Variants in HIVEP1 observed in about 807,000 individuals in gnomAD.
HIVEP1 encodes the protein HIVEP zinc finger 1, also known as zinc finger protein 40.
In HIVEP1, 36 loss-of-function variants were observed where a neutral mutation model predicts 180.0. The observed-to-expected ratio is 0.20, with a 90% CI of 0.15 to 0.26. The LOEUF is 0.26. Ranked by LOEUF, HIVEP1 falls within the 10% of genes least tolerant of loss-of-function variation. The pLI is 1.00. For synonymous variants in HIVEP1, 1,239 were observed against 1,239.0 expected (o/e 1.00, Z 0.00); for missense variants, 3,143 against 3,268.7 (o/e 0.96, Z 0.94).
chr6:12,161,170 C>T (rs781591522), intron 7 of HIVEP1, among the ~76,000 whole-genome samples: 13 of 152,156 alleles, frequency 8.5e-5, no homozygotes, highest in Non-Finnish European at 1.8e-4. Context: ...TGATTACCCT[C>T]CACCTGCCTC....
intron 2 of HIVEP1, chr6:12,020,536 A>G (rs57661362): frequency 0.02 from 8,668 of 436,352 alleles, 632 homozygotes; most frequent in African/African-American, 0.16. Context: ...CTTGAGTAAC[A>G]TGGAATGGAG....
chr6:12,018,805 C>G (rs538445204), intron 2 of HIVEP1, among the ~76,000 whole-genome samples: 1 of 152,090 alleles, frequency 6.6e-6, no homozygotes, highest in East Asian at 1.9e-4. Flanking sequence ...TTCTCTACTT[C>G]TAGAGCATAA....
chr6:12,070,377 C>A (rs1201047907), intron 2 of HIVEP1, among the ~76,000 whole-genome samples: 3 of 152,192 alleles, frequency 2.0e-5, no homozygotes, highest in East Asian at 3.9e-4. Flanking sequence ...GTAGAAAGCC[C>A]AAATATCACT....
At chr6:12,078,392 C>T (rs1343767422) in intron 2 of HIVEP1, among the ~76,000 whole-genome samples, 11 of 151,796 alleles carry the variant, frequency 7.2e-5, no homozygotes, top group Non-Finnish European at 2.9e-5. Flanking sequence ...TGTCTTGTTC[C>T]AACAGAACCA....
chr6:12,140,128 C>G (rs1024082329), intron 7 of HIVEP1, among the ~76,000 whole-genome samples: 1 of 152,128 alleles, frequency 6.6e-6, no homozygotes, highest in African/African-American at 2.4e-5. Context: ...CCCTCTGGGG[C>G]GAAGCTTCCA....
chr6:12,140,066 C>T (rs1205198262), intron 7 of HIVEP1, among the ~76,000 whole-genome samples: 2 of 152,226 alleles, frequency 1.3e-5, no homozygotes, highest in Non-Finnish European at 2.9e-5. Context: ...TGTAGCCTAA[C>T]TAGGAGACAC....
chr6:12,012,251 TCC>T (rs567273621), upstream of HIVEP1: 1 of 116,378 alleles, frequency 8.6e-6, no homozygotes, highest in Non-Finnish European at 1.9e-5. Context: ...CGCCCCGCGC[TCC>T]CCCCCCCGCC....
At chr6:12,022,405 C>T (rs1033505064) in intron 2 of HIVEP1, among the ~76,000 whole-genome samples, 3 of 151,246 alleles carry the variant, frequency 2.0e-5, no homozygotes, top group South Asian at 2.1e-4. Context: ...CTCCTGACCT[C>T]GTGATCCACC....
intron 3 of HIVEP1, among the ~76,000 whole-genome samples, chr6:12,107,454 G>A (rs1202343967): frequency 1.3e-5 from 2 of 152,196 alleles, no homozygotes; most frequent in Non-Finnish European, 2.9e-5. Context: ...GCTAAAGGTT[G>A]GGTGGCTGTT....
At chr6:12,107,488 C>A (rs1262740839) in intron 3 of HIVEP1, among the ~76,000 whole-genome samples, 1 of 152,168 alleles carries the variant, frequency 6.6e-6, no homozygotes, top group Non-Finnish European at 1.5e-5. Context: ...TTGGTGGGTT[C>A]TTGGTCTCAC....
At chr6:12,149,950 T>G (rs1420765739) in intron 7 of HIVEP1, among the ~76,000 whole-genome samples, 1 of 152,214 alleles carries the variant, frequency 6.6e-6, no homozygotes. Context: ...CAGATGGAAT[T>G]CATGTTCTAA....
At chr6:12,147,305 A>G (rs1759435812) in intron 7 of HIVEP1, among the ~76,000 whole-genome samples, 1 of 152,196 alleles carries the variant, frequency 6.6e-6, no homozygotes, top group South Asian at 2.1e-4. Flanking sequence ...ATTATTTTTT[A>G]GATAGGATTC....
chr6:12,042,138 G>A (rs1430543733), intron 2 of HIVEP1, among the ~76,000 whole-genome samples: 1 of 146,830 alleles, frequency 6.8e-6, no homozygotes, highest in Non-Finnish European at 1.5e-5. Context: ...GGACTGCAGT[G>A]GCGCAATCTC....
chr6:12,057,515 C>T (rs889331703), intron 2 of HIVEP1, among the ~76,000 whole-genome samples: 10 of 152,142 alleles, frequency 6.6e-5, no homozygotes, highest in Middle Eastern at 6.8e-3. Flanking sequence ...CTGCAGATTC[C>T]GCAATCTCAG....
In HIVEP1 at chr6:12,125,970, G is replaced by A. The variant is rs553510818; in HGVS notation, c.6075+100G>A. On this transcript the variant is annotated intron_variant, in intron 4 of 8. Coordinates refer to ENST00000379388, the MANE Select transcript of HIVEP1 (RefSeq NM_002114.4). ...TTTTAACTGGAAATATTTTAATTTT[G>A]AGTGACAAATTGTGCTGTAAATGTC... 1.6e-4 allele frequency: 111 copies of A among 711,458 alleles called. 1 individual carries two copies. The highest frequency in any genetic ancestry group is 1.3e-3 in the Middle Eastern group (5 of 3,752). 44.1% of individuals were successfully genotyped at this position (711,458 alleles called of 1,614,324 possible).
the HIVEP1 span, among the ~76,000 whole-genome samples, chr6:12,208,520 C>G: frequency 1.3e-5 from 2 of 152,288 alleles, no homozygotes; most frequent in Non-Finnish European, 2.9e-5. Flanking sequence ...CCTGAGTGTT[C>G]CGTGCTGCAC....
chr6:12,203,358 A>T, the HIVEP1 span, among the ~76,000 whole-genome samples: 1 of 152,254 alleles, frequency 6.6e-6, no homozygotes, highest in Non-Finnish European at 1.5e-5. Context: ...ACCCATTAAC[A>T]CTGGCTCTGG....
chr6:12,182,510 A>C, the HIVEP1 span, among the ~76,000 whole-genome samples: 1 of 152,200 alleles, frequency 6.6e-6, no homozygotes, highest in Non-Finnish European at 1.5e-5. Context: ...AATTGATATG[A>C]AATCAGGTTT....
At chr6:12,081,765 G>C (rs1398010754) in intron 2 of HIVEP1, among the ~76,000 whole-genome samples, 1 of 152,120 alleles carries the variant, frequency 6.6e-6, no homozygotes, top group African/African-American at 2.4e-5. Context: ...TCTATCCCCT[G>C]CTCCTTCGCA....
Sources: gnomAD v4.1 joint callset for allele counts (sites outside exome capture counted in the v4.1 genomes callset) on GRCh38, gnomAD v4.1.1 for gene constraint, MANE v1.5 for transcripts, NCBI Gene and HGNC (gene_info 2026-07-23, HGNC 2026-07-21) for gene names.